UNC80: variants seen among roughly 807,000 people sequenced by gnomAD.
UNC80 encodes protein unc-80 homolog.
A neutral mutation model predicts 384.6 loss-of-function variants in UNC80; 164 were observed. That is an observed-to-expected ratio of 0.43 (90% confidence interval 0.38 to 0.49). The LOEUF is 0.49. Ranked by LOEUF, UNC80 falls within the 20% of genes least tolerant of loss-of-function variation. The probability of loss-of-function intolerance (pLI) is 0.00; values close to 1 mark genes in which losing one functional copy is unlikely to be tolerated. For synonymous variants in UNC80, 1,486 were observed against 1,527.8 expected (o/e 0.97, Z 0.64); for missense variants, 3,330 against 4,143.0 (o/e 0.80, Z 5.39).
chr2:209,895,059 A>G (rs929719857), intron 27 of UNC80, among the ~76,000 whole-genome samples: 1 of 152,222 alleles, frequency 6.6e-6, no homozygotes, highest in African/African-American at 2.4e-5. Context: ...TGAGAATGAA[A>G]TCAGTGTACA....
Position 209,967,511 on chromosome 2 carries a change from G to A in UNC80, c.7880G>A (p.Arg2627Gln), listed in dbSNP as rs79390501. 69 of 1,551,330 alleles carry A rather than the reference G, an allele frequency of 4.4e-5. No homozygotes were observed. The Admixed American group carries it at 1.0e-3, about 23-fold the overall frequency. Residue 2627 changes from arginine to glutamine, a missense_variant, in exon 52 of 65, where the codon CGG becomes CAG. Arg to Gln is a conservative substitution (Grantham distance 43, BLOSUM62 1). This residue lies in a region of UNC80 where 1,049 missense variants were observed against 1,488.6 expected (regional missense o/e 0.70). Transcript: ENST00000673920. ...DTQTMESRGL[R>Q]RYIMEMLPIT... ...CAGACAATGGAGAGTCGTGGGCTTC[G>A]GCGCTACATCATGGAGATGCTACCC... is the stretch of plus-strand genomic sequence containing the variant.
intron 23 of UNC80, among the ~76,000 whole-genome samples, chr2:209,875,454 A>G (rs903272361): frequency 1.3e-5 from 2 of 152,286 alleles, no homozygotes; most frequent in Admixed American, 6.5e-5. Context: ...CAGTTCTGAC[A>G]TGAATTTTTG....
At chr2:209,983,786 T>A (rs2093216175) in intron 60 of UNC80, among the ~76,000 whole-genome samples, 1 of 152,170 alleles carries the variant, frequency 6.6e-6, no homozygotes, top group Admixed American at 6.6e-5. Flanking sequence ...AGAAAATTTG[T>A]CCTATTATAC....
intron 15 of UNC80, 67 bp downstream of exon 15, chr2:209,829,446 G>T: frequency 2.0e-6 from 3 of 1,501,556 alleles, no homozygotes; most frequent in Non-Finnish European, 2.7e-6. Context: ...TGTTTCAAGG[G>T]GACACTAAAT....
intron 31 of UNC80, among the ~76,000 whole-genome samples, chr2:209,916,011 A>C (rs2089495716): frequency 6.6e-6 from 1 of 152,252 alleles, no homozygotes; most frequent in Non-Finnish European, 1.5e-5. Context: ...TATTAAGTGC[A>C]TATTTTTAAA....
rs138970658 is a variant in UNC80 at position 209,995,553 on chromosome 2, G to A, written c.9933G>A (p.Glu3311=). 2,402 of 1,552,070 alleles carry A rather than the reference G, an allele frequency of 1.5e-3. 30 individuals are homozygous for A. In the Middle Eastern group the frequency reaches 0.04, roughly 26 times the overall value. The change falls in exon 65 of 65, where the codon GAG becomes GAA. Residue 3311 remains glutamate (E), a synonymous_variant. Coordinates refer to ENST00000673920, the MANE Select transcript of UNC80 (RefSeq NM_001371986.1). ...LSSQFTFTPT[E]LGKTDAVLDE... ...GTCAGTTCACCTTTACTCCCACTGA[G>A]CTGGGGAAAACGGATGCAGTATTAG...
intron 51 of UNC80, among the ~76,000 whole-genome samples, chr2:209,963,690 T>C (rs527921824): frequency 6.6e-6 from 1 of 152,306 alleles, no homozygotes; most frequent in Non-Finnish European, 1.5e-5. Flanking sequence ...AACAAAAGAA[T>C]GTATAAGCTG....
chr2:209,780,956 T>C (rs1308713817), intron 4 of UNC80, among the ~76,000 whole-genome samples: 1 of 152,196 alleles, frequency 6.6e-6, no homozygotes, highest in Non-Finnish European at 1.5e-5. Flanking sequence ...CACACAACCA[T>C]TCAGACTAAT....
intron 62 of UNC80, 55 bp downstream of exon 62, chr2:209,992,302 T>A: frequency 1.4e-6 from 2 of 1,455,618 alleles, no homozygotes; most frequent in Non-Finnish European, 1.9e-6. Context: ...AAGCTCTGTG[T>A]GATTTTTAAT....
intron 13 of UNC80, among the ~76,000 whole-genome samples, chr2:209,824,257 T>C (rs2080345739): frequency 6.6e-6 from 1 of 152,090 alleles, no homozygotes; most frequent in East Asian, 1.9e-4. Flanking sequence ...TTCTGAGCTG[T>C]CTTAAGTAGG....
At chr2:209,794,795 A>G in intron 7 of UNC80, 1 of 454,914 alleles carries the variant, frequency 2.2e-6, no homozygotes, top group South Asian at 1.6e-5. Flanking sequence ...ACCATATAAG[A>G]AGCACCTTTC....
At chr2:209,933,728 G>A in intron 38 of UNC80, 94 bp from the exon 39 acceptor site, 2 of 1,121,340 alleles carry the variant, frequency 1.8e-6, no homozygotes, top group Non-Finnish European at 2.5e-6. Context: ...AGGCACAGAA[G>A]AAGGTCGAGT....
At chr2:209,921,767 T>C (rs1347912269) in intron 34 of UNC80, 81 bp downstream of exon 34, 6 of 1,408,880 alleles carry the variant, frequency 4.3e-6, no homozygotes, top group South Asian at 1.5e-5. Context: ...GACAATTTTA[T>C]GTGACATGAG....
At chr2:209,865,229 T>A (rs2083642582) in intron 22 of UNC80, among the ~76,000 whole-genome samples, 2 of 144,320 alleles carry the variant, frequency 1.4e-5, no homozygotes, top group Admixed American at 1.3e-4. Context: ...ACGTTTATTA[T>A]GTTTTTTTTT....
At chr2:209,957,853 GGAAAA>G in intron 49 of UNC80, 117 bp downstream of exon 49, 1 of 888,580 alleles carries the variant, frequency 1.1e-6, no homozygotes, top group Non-Finnish European at 1.6e-6. Flanking sequence ...AAACCTCCAA[GGAAAA>G]GAAAAGAAGG....
intron 23 of UNC80, among the ~76,000 whole-genome samples, chr2:209,875,196 C>T (rs909432006): frequency 6.6e-6 from 1 of 152,128 alleles, no homozygotes; most frequent in African/African-American, 2.4e-5. Flanking sequence ...AATTCATTCT[C>T]CAAACTGCTC....
Position 209,954,160 on chromosome 2 carries a change from G to T in UNC80, c.7347G>T (p.Arg2449Ser). Residue 2449 changes from arginine to serine, a missense_variant, in exon 48 of 65, where the codon AGG becomes AGT. Transcript: ENST00000673920. ...CATGTTACCTACAAAAGCTAAAGAG[G>T]CAGACATCACAGGTGGAGACAGTAC... ...LVPCYLQKLK[R>S]QTSQVETVPA... 6.4e-7 allele frequency: 1 copy of T among 1,551,108 alleles called. No homozygotes were observed. The highest frequency in any genetic ancestry group is 8.7e-7 in the Non-Finnish European group (1 of 1,146,934).
At chr2:209,869,422 A>T (rs941813865) in intron 22 of UNC80, among the ~76,000 whole-genome samples, 1 of 152,166 alleles carries the variant, frequency 6.6e-6, no homozygotes, top group Non-Finnish European at 1.5e-5. Flanking sequence ...TTGCACACAC[A>T]TTGCAAACTC....
chr2:209,874,187 T>C (rs1352769239), intron 23 of UNC80, among the ~76,000 whole-genome samples: 1 of 152,204 alleles, frequency 6.6e-6, no homozygotes, highest in Non-Finnish European at 1.5e-5. Context: ...CATTTAATTA[T>C]ATTCGGTTTT....
Sources: gnomAD v4.1 joint callset for allele counts (sites outside exome capture counted in the v4.1 genomes callset) on GRCh38, gnomAD v4.1.1 for gene constraint, gnomAD v4.1.1 regional missense constraint, MANE v1.5 for transcripts, NCBI Gene and HGNC (gene_info 2026-07-23, HGNC 2026-07-21) for gene names.